EPB41L4B: variants seen among roughly 807,000 people sequenced by gnomAD.
The protein encoded by EPB41L4B is band 4.1-like protein 4B.
Under a neutral mutation model 112.5 loss-of-function variants are expected in EPB41L4B, and 30 were observed. That is an observed-to-expected ratio of 0.27 (90% confidence interval 0.20 to 0.36). EPB41L4B has a LOEUF of 0.36. Ranked by LOEUF, EPB41L4B falls within the 10% of genes least tolerant of loss-of-function variation. EPB41L4B has a pLI of 1.00. For missense variants in EPB41L4B, 1,024 were observed against 1,133.3 expected (o/e 0.90, Z 1.38); for synonymous variants, 408 against 439.7 (o/e 0.93, Z 0.90).
intron 1 of EPB41L4B, among the ~76,000 whole-genome samples, chr9:109,294,179 C>T (rs1836645707): frequency 1.3e-5 from 2 of 151,954 alleles, no homozygotes; most frequent in African/African-American, 4.8e-5. Flanking sequence ...GTGGTGGGCA[C>T]CTGTAGTCCC....
intron 10 of EPB41L4B, 21 bp downstream of exon 10, chr9:109,255,753 A>G (rs1318222444): frequency 4.3e-6 from 7 of 1,612,768 alleles, no homozygotes; most frequent in South Asian, 1.1e-5. Flanking sequence ...GCAAGGGGGA[A>G]GAAATGGGAG....
chr9:109,216,007 T>G (rs1833353286), intron 16 of EPB41L4B, among the ~76,000 whole-genome samples: 1 of 152,206 alleles, frequency 6.6e-6, no homozygotes, highest in African/African-American at 2.4e-5. Context: ...TTTTTGTAAC[T>G]TCTCTTTCTG....
chr9:109,179,364 G>T (rs1831968924), intron 24 of EPB41L4B, among the ~76,000 whole-genome samples: 1 of 152,200 alleles, frequency 6.6e-6, no homozygotes, highest in Admixed American at 6.5e-5. Flanking sequence ...CTGTGGAGAG[G>T]CCAAACCTGC....
chr9:109,249,436 T>C (rs968573842), intron 13 of EPB41L4B, among the ~76,000 whole-genome samples: 1 of 82,276 alleles, frequency 1.2e-5, no homozygotes, highest in African/African-American at 5.5e-5. Context: ...ATTGAACAGC[T>C]GCGAACAGCA....
chr9:109,254,964 G>A (rs202191778), intron 11 of EPB41L4B, among the ~76,000 whole-genome samples: 7 of 152,182 alleles, frequency 4.6e-5, no homozygotes, highest in East Asian at 3.8e-4. Flanking sequence ...TTGAATCTCC[G>A]CTCTACCACT....
chr9:109,225,653 C>T (rs1833736933), intron 15 of EPB41L4B, among the ~76,000 whole-genome samples: 1 of 152,182 alleles, frequency 6.6e-6, no homozygotes, highest in Non-Finnish European at 1.5e-5. Flanking sequence ...TGGGCGAGGA[C>T]ACAGCCAAAC....
At chr9:109,231,772 G>A (rs1477826687) in intron 15 of EPB41L4B, among the ~76,000 whole-genome samples, 1 of 152,214 alleles carries the variant, frequency 6.6e-6, no homozygotes, top group Non-Finnish European at 1.5e-5. Flanking sequence ...GTGTTGCAAT[G>A]CTATTCTTGC....
At position 109,173,025 on chromosome 9, in the gene EPB41L4B, A is replaced by G. The variant is rs2118547174; in HGVS notation, c.*1529T>C. On this transcript the variant is annotated 3_prime_UTR_variant, in exon 26 of 26. Coordinates refer to ENST00000374566, the MANE Select transcript of EPB41L4B (RefSeq NM_019114.5). ...ATGAACATTTTACACACAAGGAAAT[A>G]CAACTAGTAAATCATCACATGGAAA... The G allele has an allele frequency of 6.5e-6, 1 of 152,742 alleles. No individual in the cohort carries two copies. The highest frequency in any genetic ancestry group is 2.4e-5 in the African/African-American group (1 of 41,602). The allele number at this position is 152,742 out of a possible 1,614,324, so 9.5% of individuals were successfully genotyped here. A position where few individuals can be genotyped will look rare whatever the true frequency, so the allele number is the denominator to read the frequency against.
At chr9:109,197,391 C>T (rs1832678141) in intron 20 of EPB41L4B, among the ~76,000 whole-genome samples, 1 of 151,888 alleles carries the variant, frequency 6.6e-6, no homozygotes, top group African/African-American at 2.4e-5. Context: ...CCATTGCACT[C>T]CAGCCTGGGT....
intron 14 of EPB41L4B, among the ~76,000 whole-genome samples, chr9:109,244,408 A>C (rs1834467166): frequency 2.1e-5 from 3 of 145,814 alleles, no homozygotes; most frequent in Non-Finnish European, 4.5e-5. Context: ...AAGAGAAAGA[A>C]GAGAAGGAAG....
At chr9:109,271,202 C>T (rs1345360996) in intron 2 of EPB41L4B, among the ~76,000 whole-genome samples, 2 of 152,236 alleles carry the variant, frequency 1.3e-5, no homozygotes, top group African/African-American at 2.4e-5. Context: ...TCTGGCCACA[C>T]TGCAAAAGGC....
At chr9:109,248,489 C>A (rs960663227) in intron 13 of EPB41L4B, among the ~76,000 whole-genome samples, 1 of 152,190 alleles carries the variant, frequency 6.6e-6, no homozygotes, top group Non-Finnish European at 1.5e-5. Flanking sequence ...TCAGTGGGAG[C>A]CAGGGCTAGA....
chr9:109,212,050 AG>A (rs1390551745), intron 17 of EPB41L4B, among the ~76,000 whole-genome samples: 1 of 151,942 alleles, frequency 6.6e-6, no homozygotes, highest in Non-Finnish European at 1.5e-5. Context: ...ATAGGAAGGG[AG>A]TTGTAACTTG....
chr9:109,209,870 C>T (rs1041051966), intron 17 of EPB41L4B, among the ~76,000 whole-genome samples: 3 of 152,134 alleles, frequency 2.0e-5, no homozygotes, highest in Non-Finnish European at 4.4e-5. Context: ...TCCATAGTCA[C>T]ACAGGAAGTA....
intron 25 of EPB41L4B, among the ~76,000 whole-genome samples, chr9:109,175,570 C>T (rs1831795617): frequency 6.6e-6 from 1 of 151,494 alleles, no homozygotes; most frequent in Non-Finnish European, 1.5e-5. Context: ...TGCTATGTTG[C>T]CCAGGCTGGA....
intron 1 of EPB41L4B, among the ~76,000 whole-genome samples, chr9:109,319,260 C>CCCAGCTCTCAGCTGGCGCGGGG (rs1317342859): frequency 3.3e-5 from 5 of 152,244 alleles, no homozygotes; most frequent in East Asian, 1.9e-4. Flanking sequence ...GCAGCGCCGG[C>CCCAGCTCTCAGCTGGCGCGGGG]CCAGCTCTCA....
At chr9:109,294,953 C>T (rs1836680708) in intron 1 of EPB41L4B, among the ~76,000 whole-genome samples, 1 of 152,184 alleles carries the variant, frequency 6.6e-6, no homozygotes, top group African/African-American at 2.4e-5. Flanking sequence ...GACTTGGAGA[C>T]TCCAGGTCAC....
chr9:109,215,396 C>A (rs1175271291), intron 16 of EPB41L4B, among the ~76,000 whole-genome samples: 1 of 152,214 alleles, frequency 6.6e-6, no homozygotes, highest in South Asian at 2.1e-4. Context: ...TCTCGTGCCT[C>A]GGCCTCCCAA....
At chr9:109,182,656 G>T in intron 24 of EPB41L4B, 73 bp downstream of exon 24, 2 of 1,121,378 alleles carry the variant, frequency 1.8e-6, no homozygotes, top group Non-Finnish European at 2.7e-6. Context: ...CTTGCTGTCT[G>T]GCATCCCGCA....
Sources: allele counts gnomAD v4.1 joint callset (sites outside exome capture counted in the v4.1 genomes callset), GRCh38; gene constraint gnomAD v4.1.1; transcripts MANE v1.5; gene names NCBI Gene and HGNC (gene_info 2026-07-23, HGNC 2026-07-21).